Variants in ANK3 observed in about 807,000 individuals in gnomAD.
The protein encoded by ANK3 is ankyrin-3.
Under a neutral mutation model 370.9 loss-of-function variants are expected in ANK3, and 57 were observed. That is an observed-to-expected ratio of 0.15 (90% CI 0.12 to 0.19). The LOEUF is 0.19. ANK3 is among the 10% of genes least tolerant of loss of function. The probability of loss-of-function intolerance (pLI) is 1.00; values close to 1 mark genes in which losing one functional copy is unlikely to be tolerated. For synonymous variants in ANK3, 1,929 were observed against 1,946.3 expected (o/e 0.99, Z 0.23); for missense variants, 4,439 against 5,302.1 (o/e 0.84, Z 5.06).
chr10:60,334,519 T>G (rs1593995607), intron 1 of ANK3, among the ~76,000 whole-genome samples: 1 of 152,298 alleles, frequency 6.6e-6, no homozygotes, highest in East Asian at 1.9e-4. Flanking sequence ...AAGACCCAGA[T>G]GAGTTTCCTG....
At chr10:60,474,931 A>C (rs2075020079) in intron 2 of ANK3, among the ~76,000 whole-genome samples, 1 of 152,106 alleles carries the variant, frequency 6.6e-6, no homozygotes, top group Non-Finnish European at 1.5e-5. Flanking sequence ...TTTTTTCTGC[A>C]ACATTTTTAT....
At chr10:60,260,825 G>A (rs565878064) in intron 7 of ANK3, among the ~76,000 whole-genome samples, 44 of 152,196 alleles carry the variant, frequency 2.9e-4, no homozygotes, top group African/African-American at 6.7e-4. Context: ...CCCAGGAGCC[G>A]AGCTGGTGCC....
chr10:60,587,934 A>G (rs2077854894), intron 2 of ANK3, among the ~76,000 whole-genome samples: 1 of 152,048 alleles, frequency 6.6e-6, no homozygotes, highest in African/African-American at 2.4e-5. Flanking sequence ...GATCAAAGCA[A>G]TCATCATCAA....
At chr10:60,635,315 T>C (rs1000301284) in intron 1 of ANK3, among the ~76,000 whole-genome samples, 30 of 152,166 alleles carry the variant, frequency 2.0e-4, no homozygotes, top group African/African-American at 7.0e-4. Context: ...GATTTATCTG[T>C]AATTTGAATA....
intron 18 of ANK3, among the ~76,000 whole-genome samples, chr10:60,177,983 T>A (rs1283299578): frequency 6.6e-6 from 1 of 152,200 alleles, no homozygotes; most frequent in Non-Finnish European, 1.5e-5. Context: ...GATTTCACAA[T>A]AGCCTAACTG....
At chr10:60,615,287 G>A (rs1241627690) in intron 1 of ANK3, 19 of 1,226,412 alleles carry the variant, frequency 1.5e-5, no homozygotes, top group East Asian at 5.3e-5. Flanking sequence ...TTACCATGAC[G>A]GTGATTTACA....
intron 6 of ANK3, 78 bp downstream of exon 6, chr10:60,263,757 G>T: frequency 1.3e-6 from 2 of 1,542,776 alleles, no homozygotes; most frequent in Non-Finnish European, 1.8e-6. Flanking sequence ...CTTGCGAAGA[G>T]GGAGACCGGG....
chr10:60,667,744 C>A (rs1001577527), intron 1 of ANK3, among the ~76,000 whole-genome samples: 1 of 151,354 alleles, frequency 6.6e-6, no homozygotes, highest in Non-Finnish European at 1.5e-5. Context: ...GGGTTTGGAA[C>A]CTCTAGGTTT....
chr10:60,278,709 C>A (rs1247858417), intron 4 of ANK3, 65 bp downstream of exon 4: 2 of 1,301,834 alleles, frequency 1.5e-6, no homozygotes, highest in South Asian at 1.2e-5. Flanking sequence ...AAGCAAGCAC[C>A]TGACCCAAAG....
chr10:60,113,192 G>T (rs1033654134), intron 26 of ANK3, among the ~76,000 whole-genome samples: 15 of 148,190 alleles, frequency 1.0e-4, no homozygotes, highest in African/African-American at 2.5e-5. Flanking sequence ...ACACTGGTAT[G>T]TTTTTTTTTT....
chr10:60,392,265 G>T (rs1486458719), upstream of ANK3, among the ~76,000 whole-genome samples: 2 of 152,172 alleles, frequency 1.3e-5, no homozygotes, highest in Non-Finnish European at 2.9e-5. Flanking sequence ...TAGCTGAAAT[G>T]AAAACATTAA....
At chr10:60,556,882 C>T (rs1167151266) in intron 2 of ANK3, among the ~76,000 whole-genome samples, 2 of 152,156 alleles carry the variant, frequency 1.3e-5, no homozygotes, top group African/African-American at 4.8e-5. Context: ...TGCCTGAGCT[C>T]CACCTCCTGT....
chr10:60,043,055 G>T (rs1183572329), intron 42 of ANK3: 3 of 1,134,970 alleles, frequency 2.6e-6, no homozygotes, highest in East Asian at 5.5e-5. Context: ...TAAGCTAAAA[G>T]AAATCAGCAC....
In ANK3 at chr10:60,071,718, T is replaced by G. The variant is rs150243993; in HGVS notation, c.9163A>C (p.Ser3055Arg). 2 of 1,597,992 alleles carry G rather than the reference T, an allele frequency of 1.3e-6. No homozygotes were observed. The highest frequency in any genetic ancestry group is 2.7e-5 in the African/African-American group (2 of 74,140). Residue 3055 changes from serine to arginine, a missense_variant, in exon 37 of 44, where the codon AGC (serine) becomes CGC (arginine). Ser to Arg is a moderately radical substitution (Grantham distance 110, BLOSUM62 -1). Around this residue, in one of 13 missense-constraint regions of ANK3, gnomAD observed 1,601 missense variants for 1,731.7 expected, o/e 0.92. Coordinates refer to ENST00000280772, the MANE Select transcript of ANK3 (RefSeq NM_020987.5). ...PTKSPDSLEF[S>R]PGKESPSSDV... ...CTAGAGGGAGATTCCTTTCCTGGGC[T>G]AAACTCTAAAGAATCAGGAGATTTG...
intron 36 of ANK3, among the ~76,000 whole-genome samples, chr10:60,079,588 A>T (rs16914722): frequency 0.017 from 2,536 of 152,252 alleles, 68 homozygotes; most frequent in African/African-American, 0.058. Flanking sequence ...AACTTAAGAA[A>T]CTGTGTCAGT....
intron 2 of ANK3, among the ~76,000 whole-genome samples, chr10:60,597,734 T>C (rs2078007829): frequency 6.6e-6 from 1 of 152,160 alleles, no homozygotes; most frequent in African/African-American, 2.4e-5. Flanking sequence ...ATCAACATGA[T>C]TCATAATGGC....
At chr10:60,508,233 A>C (rs1238215309) in intron 2 of ANK3, 1 of 152,280 alleles carries the variant, frequency 6.6e-6, no homozygotes, top group Admixed American at 6.6e-5. Flanking sequence ...GCTGTGATGC[A>C]GATGCATTGA....
At chr10:60,134,176 G>T in intron 25 of ANK3, 95 bp downstream of exon 25, 1 of 996,338 alleles carries the variant, frequency 1.0e-6, no homozygotes, top group Non-Finnish European at 1.5e-6. Flanking sequence ...AATCAAACAT[G>T]CAGAAATATA....
intron 1 of ANK3, among the ~76,000 whole-genome samples, chr10:60,364,992 G>A (rs1022367336): frequency 2.0e-5 from 3 of 150,882 alleles, no homozygotes; most frequent in Non-Finnish European, 4.4e-5. Flanking sequence ...AAATATTTGT[G>A]TAATACATTT....
Sources: allele counts gnomAD v4.1 joint callset (sites outside exome capture counted in the v4.1 genomes callset), GRCh38; gene constraint gnomAD v4.1.1; regional missense constraint gnomAD v4.1.1; transcripts MANE v1.5; gene names NCBI Gene and HGNC (gene_info 2026-07-23, HGNC 2026-07-21).